NLGN1: variants seen among roughly 807,000 people sequenced by gnomAD.
The protein encoded by NLGN1 is neuroligin 1.
In NLGN1, 12 loss-of-function variants were observed where a neutral mutation model predicts 65.5. The ratio of observed to expected loss-of-function variants is 0.18; its 90% CI spans 0.12 to 0.30. NLGN1 has a LOEUF of 0.30. Among genes scored for constraint, NLGN1 ranks in the 10% least tolerant of loss-of-function variants. NLGN1 has a pLI of 1.00. For missense variants in NLGN1, 750 were observed against 1,007.1 expected, an observed-to-expected ratio of 0.74 and a Z score of 3.46; for synonymous variants, 350 against 359.5, an observed-to-expected ratio of 0.97 and a Z score of 0.30.
intron 2 of NLGN1, among the ~76,000 whole-genome samples, chr3:173,471,100 G>T (rs770792109): frequency 3.3e-5 from 5 of 151,998 alleles, no homozygotes; most frequent in Non-Finnish European, 5.9e-5. Context: ...AACAATAAAC[G>T]CCTGCATCCT....
chr3:173,477,806 C>T (rs1726507283), intron 2 of NLGN1, among the ~76,000 whole-genome samples: 1 of 152,054 alleles, frequency 6.6e-6, no homozygotes, highest in Admixed American at 6.6e-5. Context: ...GTCCTTTGCC[C>T]ACTTTTGAAT....
intron 4 of NLGN1, among the ~76,000 whole-genome samples, chr3:174,158,106 C>T (rs73046273): frequency 0.061 from 9,279 of 151,678 alleles, 627 homozygotes; most frequent in African/African-American, 0.17. Context: ...TAAGATCGGA[C>T]GAAAGAACAG....
At chr3:173,671,321 G>A (rs1485316340) in intron 3 of NLGN1, among the ~76,000 whole-genome samples, 3 of 151,982 alleles carry the variant, frequency 2.0e-5, no homozygotes, top group Non-Finnish European at 2.9e-5. Flanking sequence ...GCAAAATGGC[G>A]AAACCCCGCC....
chr3:174,203,958 A>G (rs892016771), intron 4 of NLGN1, among the ~76,000 whole-genome samples: 1 of 152,224 alleles, frequency 6.6e-6, no homozygotes, highest in Non-Finnish European at 1.5e-5. Flanking sequence ...TTTTAAAATT[A>G]CAATTATTAT....
intron 4 of NLGN1, among the ~76,000 whole-genome samples, chr3:173,949,483 A>G (rs1191527910): frequency 6.6e-6 from 1 of 152,196 alleles, no homozygotes; most frequent in African/African-American, 2.4e-5. Flanking sequence ...TTCCCCTAAT[A>G]GCCAATGCAT....
intron 4 of NLGN1, among the ~76,000 whole-genome samples, chr3:174,167,878 C>T (rs1727822216): frequency 6.6e-6 from 1 of 151,796 alleles, no homozygotes; most frequent in South Asian, 2.1e-4. Context: ...TCCCATATTT[C>T]TCAAACGCTT....
chr3:173,756,682 C>CTG (rs1013050816), intron 3 of NLGN1, among the ~76,000 whole-genome samples: 1 of 151,392 alleles, frequency 6.6e-6, no homozygotes, highest in African/African-American at 2.4e-5. Context: ...GATTACAGAT[C>CTG]TGTGTCAAGA....
rs374451191 is a variant in NLGN1, at chr3:173,851,357, T to C, written c.646+43525T>C. ...TTTCTTTTATTGTTTAAGTCTTTGA[T>C]GTGTATTTCAATAGGCATACATAAC... On this transcript the variant is annotated intron_variant, in intron 4 of 6. Coordinates refer to ENST00000457714, the Ensembl canonical transcript of NLGN1. Among the ~76,000 whole-genome samples the C allele has an allele frequency of 3.9e-5, 6 of 152,352 alleles. No individual in the cohort carries two copies. In the South Asian group the frequency reaches 6.2e-4, roughly 16 times the overall value.
chr3:173,573,215 CTTAGTG>C (rs1484584676), intron 2 of NLGN1, among the ~76,000 whole-genome samples: 1 of 152,102 alleles, frequency 6.6e-6, no homozygotes, highest in Non-Finnish European at 1.5e-5. Context: ...CAGCAAGTCA[CTTAGTG>C]TTAGTGGGTT....
chr3:174,199,673 G>A (rs1199896881), intron 4 of NLGN1, among the ~76,000 whole-genome samples: 2 of 152,044 alleles, frequency 1.3e-5, no homozygotes, highest in African/African-American at 4.8e-5. Flanking sequence ...AAAGGCTCAG[G>A]GAAAGAAACT....
chr3:173,427,229 G>T (rs900786433), intron 1 of NLGN1, among the ~76,000 whole-genome samples: 5 of 151,760 alleles, frequency 3.3e-5, no homozygotes, highest in Non-Finnish European at 7.4e-5. Context: ...TCACACTAAG[G>T]TTTATCCATT....
chr3:173,898,544 A>G (rs1343877352), intron 4 of NLGN1, among the ~76,000 whole-genome samples: 1 of 152,240 alleles, frequency 6.6e-6, no homozygotes, highest in Non-Finnish European at 1.5e-5. Context: ...TAACCAGCAT[A>G]CTACTGGTAT....
At chr3:174,032,653 C>A (rs1221687486) in intron 4 of NLGN1, among the ~76,000 whole-genome samples, 1 of 152,122 alleles carries the variant, frequency 6.6e-6, no homozygotes, top group Non-Finnish European at 1.5e-5. Context: ...ATGGGCTTTA[C>A]CTCCAGTACC....
chr3:173,924,978 G>A, intron 4 of NLGN1, among the ~76,000 whole-genome samples: 1 of 151,996 alleles, frequency 6.6e-6, no homozygotes, highest in Non-Finnish European at 1.5e-5. Context: ...AACCAATTTT[G>A]AGTTTTTTGG....
intron 4 of NLGN1, among the ~76,000 whole-genome samples, chr3:174,203,325 C>T (rs9810772): frequency 0.22 from 33,035 of 152,066 alleles, 4,119 homozygotes; most frequent in African/African-American, 0.34. Context: ...TCCACTTCAC[C>T]GTGCACAGAG....
chr3:173,557,988 G>T (rs1303137853), intron 2 of NLGN1, among the ~76,000 whole-genome samples: 4 of 151,550 alleles, frequency 2.6e-5, no homozygotes, highest in Non-Finnish European at 5.9e-5. Context: ...TTTATTTTTT[G>T]AAGTATTTTT....
intron 3 of NLGN1, among the ~76,000 whole-genome samples, chr3:173,664,453 A>G (rs1246094057): frequency 1.3e-5 from 2 of 152,178 alleles, no homozygotes; most frequent in Non-Finnish European, 2.9e-5. Context: ...AGATACTTCT[A>G]GAATAAATAT....
chr3:174,170,628 G>A (rs1031094479), intron 4 of NLGN1, among the ~76,000 whole-genome samples: 4 of 152,192 alleles, frequency 2.6e-5, no homozygotes, highest in Non-Finnish European at 5.9e-5. Context: ...ATACATGTGA[G>A]AGCAGCTACC....
At chr3:173,411,953 G>C (rs1353341865) in intron 1 of NLGN1, among the ~76,000 whole-genome samples, 1 of 152,160 alleles carries the variant, frequency 6.6e-6, no homozygotes, top group Non-Finnish European at 1.5e-5. Flanking sequence ...TTCTGAAAGA[G>C]AATGGCAGAA....
Sources: gnomAD v4.1 joint callset for allele counts (sites outside exome capture counted in the v4.1 genomes callset) on GRCh38, gnomAD v4.1.1 for gene constraint, MANE v1.5 for transcripts, NCBI Gene and HGNC (gene_info 2026-07-23, HGNC 2026-07-21) for gene names.